DNAAF5: variants seen among roughly 807,000 people sequenced by gnomAD.
The protein encoded by DNAAF5 is dynein axonemal assembly factor 5.
DNAAF5 carries 64 observed loss-of-function variants against 75.8 expected under a neutral mutation model. The observed-to-expected ratio is 0.84, with a 90% CI of 0.69 to 1.04. DNAAF5 has a LOEUF of 1.04. Among genes scored for constraint, DNAAF5 ranks in the 50% least tolerant of loss-of-function variants. The pLI, the probability that DNAAF5 is intolerant of heterozygous loss-of-function variation, is 0.00. For missense variants in DNAAF5, 1,269 were observed against 1,178.5 expected, an observed-to-expected ratio of 1.08 and a Z score of -1.12; for synonymous variants, 657 against 557.2, an observed-to-expected ratio of 1.18 and a Z score of -2.52.
At position 785,744 on chromosome 7, in the gene DNAAF5, A is replaced by G; in HGVS notation, c.*91A>G. 1 of 1,461,798 alleles carries G rather than the reference A, an allele frequency of 6.8e-7. No individual in the cohort carries two copies. The highest frequency in any genetic ancestry group is 9.3e-7 in the Non-Finnish European group (1 of 1,080,508). The allele number at this position is 1,461,798 out of a possible 1,614,324, so 90.6% of individuals were successfully genotyped here. A position where few individuals can be genotyped will look rare whatever the true frequency, so the allele number is the denominator to read the frequency against. On this transcript the variant is annotated 3_prime_UTR_variant, in exon 13 of 13. Transcript: ENST00000297440. ...CTCATAAACAAGGCACCTCTGTGCC[A>G]GCAGTGAGACTGTGACAGCAAGAAT... is the stretch of plus-strand genomic sequence containing the variant.
chr7:756,791 T>C lies in DNAAF5; in HGVS notation c.1267T>C (p.Ser423Pro). ...TGTTTCTTTCTCGCAGTGTACCAGA[T>C]CCGCAGAGCTCGTCGGGACGTTTGT... is the stretch of plus-strand genomic sequence containing the variant. ...EAAVVQSCTRSAELVGTFVSP... is the reference protein window; with the variant it reads ...EAAVVQSCTRPAELVGTFVSP... Residue 423 changes from serine (S) to proline (P), a missense_variant, in exon 6 of 13, where the codon TCC (serine) becomes CCC (proline). By Grantham distance (74) the Ser-to-Pro change is moderately conservative. Transcript: ENST00000297440. 1 of 1,613,726 alleles carries C rather than the reference T, an allele frequency of 6.2e-7. No individual in the cohort carries two copies. The highest frequency in any genetic ancestry group is 8.5e-7 in the Non-Finnish European group (1 of 1,179,928).
At chr7:775,821 G>T (rs141354681) in intron 11 of DNAAF5, among the ~76,000 whole-genome samples, 1 of 151,942 alleles carries the variant, frequency 6.6e-6, no homozygotes. Flanking sequence ...TGAAGGAAGC[G>T]TCGTGTGGAT....
intron 6 of DNAAF5, among the ~76,000 whole-genome samples, chr7:757,482 CAG>C (rs79912277): frequency 0.066 from 10,039 of 152,316 alleles, 439 homozygotes; most frequent in Non-Finnish European, 0.092. Context: ...CGCACGTCCT[CAG>C]GGGGCACTGA....
In DNAAF5 at chr7:779,938, G is replaced by T. The variant is rs755778689; in HGVS notation, c.2240-15G>T. On this transcript the variant is annotated splice_polypyrimidine_tract_variant and intron_variant, in intron 11 of 12. Coordinates refer to ENST00000297440, the MANE Select transcript of DNAAF5 (RefSeq NM_017802.4). Reference sequence around the variant, plus strand: ...TGCTCTAGACTCACACACCTGTCTCGCTCCCTCCTTCCAGAACTCTTAAAA... The same window carrying T: ...TGCTCTAGACTCACACACCTGTCTCTCTCCCTCCTTCCAGAACTCTTAAAA... The T allele has an allele frequency of 6.2e-7, 1 of 1,611,102 alleles. No individual in the cohort carries two copies. Among genetic ancestry groups the T allele is most frequent in the Non-Finnish European group, 8.5e-7 (1 of 1,177,900 alleles).
chr7:772,877 G>A (rs1447150721), intron 9 of DNAAF5: 1 of 151,980 alleles, frequency 6.6e-6, no homozygotes, highest in African/African-American at 2.4e-5. Context: ...TCATTCAGTG[G>A]TTCGATGGTG....
intron 4 of DNAAF5, among the ~76,000 whole-genome samples, chr7:753,110 G>C (rs1782360499): frequency 6.6e-6 from 1 of 152,254 alleles, no homozygotes; most frequent in Non-Finnish European, 1.5e-5. Flanking sequence ...TTTGGAAAAT[G>C]GTTGGACAGT....
chr7:740,783 C>A (rs1279104352), intron 2 of DNAAF5, 36 bp from the exon 3 acceptor site: 1 of 1,610,798 alleles, frequency 6.2e-7, no homozygotes, highest in Admixed American at 1.7e-5. Context: ...ATCCCCTTTG[C>A]CTACACGAAT....
At position 726,941 on chromosome 7, in the gene DNAAF5, C is replaced by CGCG; in HGVS notation, c.222_224dup (p.Arg75dup). 2.2e-6 allele frequency: 3 copies of CGCG among 1,339,078 alleles called. No homozygotes were observed. The highest frequency in any genetic ancestry group is 1.9e-6 in the Non-Finnish European group (2 of 1,041,824). 82.9% of individuals were successfully genotyped at this position (1,339,078 alleles called of 1,614,324 possible). ...CCCACCGCTTTCCAGGGCCCCTGGGCGCGCCTACTGCTGCCGCGCTTGCTG... is the reference window on the plus strand; with the variant it reads ...CCCACCGCTTTCCAGGGCCCCTGGGCGCGGCGCCTACTGCTGCCGCGCTTGCTG... On this transcript the variant is annotated inframe_insertion, in exon 1 of 13. Coordinates refer to ENST00000297440, the MANE Select transcript of DNAAF5 (RefSeq NM_017802.4).
chr7:729,626 A>G (rs752836914), intron 1 of DNAAF5, 37 bp from the exon 2 acceptor site: 1 of 1,591,448 alleles, frequency 6.3e-7, no homozygotes, highest in South Asian at 1.1e-5. Flanking sequence ...GGCGTGTGGG[A>G]GCAGCTCTGG....
intron 4 of DNAAF5, among the ~76,000 whole-genome samples, chr7:746,821 G>A (rs889194732): frequency 6.6e-6 from 1 of 152,228 alleles, no homozygotes; most frequent in Non-Finnish European, 1.5e-5. Flanking sequence ...CCACCGCCCA[G>A]AACTGCTCAT....
At chr7:761,941 C>G (rs759091735) in intron 7 of DNAAF5, 45 bp downstream of exon 7, 1 of 1,539,278 alleles carries the variant, frequency 6.5e-7, no homozygotes, top group Non-Finnish European at 8.8e-7. Context: ...GCGGAGCTCA[C>G]AGCTGGAAGG....
At chr7:743,557 A>ACAGGGAAAGC (rs1781988517) in intron 4 of DNAAF5, among the ~76,000 whole-genome samples, 1 of 151,240 alleles carries the variant, frequency 6.6e-6, no homozygotes, top group Non-Finnish European at 1.5e-5. Context: ...CTGTACAGGG[A>ACAGGGAAAGC]AAGCACACAT....
chr7:733,203 T>G (rs983154601), intron 2 of DNAAF5, among the ~76,000 whole-genome samples: 6 of 152,234 alleles, frequency 3.9e-5, no homozygotes, highest in African/African-American at 1.2e-4. Flanking sequence ...TAAATTGAAG[T>G]CAGGTAATGT....
chr7:760,040 A>G (rs373228948), intron 6 of DNAAF5, among the ~76,000 whole-genome samples: 1 of 147,396 alleles, frequency 6.8e-6, no homozygotes, highest in African/African-American at 2.6e-5. Context: ...ACAGGGCCAC[A>G]CGGCTCCTCC....
intron 11 of DNAAF5, among the ~76,000 whole-genome samples, chr7:775,960 A>AG (rs1423293243): frequency 1.3e-5 from 2 of 152,186 alleles, no homozygotes; most frequent in Non-Finnish European, 2.9e-5. Flanking sequence ...GGTATCCTAG[A>AG]GGAGGAGGAT....
intron 9 of DNAAF5, 148 bp from the exon 10 acceptor site, chr7:773,900 C>A: frequency 3.5e-6 from 3 of 850,832 alleles, no homozygotes; most frequent in Admixed American, 4.0e-5. Context: ...TGAGAAGCAG[C>A]TCCTGAGAGG....
Position 780,116 on chromosome 7 carries a change from A to G in DNAAF5, c.2403A>G (p.Pro801=), listed in dbSNP as rs1160981478. 1.5e-5 allele frequency: 24 copies of G among 1,614,014 alleles called. No homozygotes were observed. The highest frequency in any genetic ancestry group is 2.0e-5 in the Non-Finnish European group (24 of 1,180,002). ...YRELLVHLDD[P]ERAIQDAILE... is the part of the protein sequence containing the mutation. ...AGTTGCTGGTTCACCTTGACGATCC[A>G]GAGAGGGCCATCCAGGATGCAATTT... Residue 801 remains proline, a synonymous_variant, in exon 12 of 13, where the codon CCA becomes CCG. Coordinates refer to ENST00000297440, the MANE Select transcript of DNAAF5 (RefSeq NM_017802.4).
At position 729,717 on chromosome 7, in the gene DNAAF5, C is replaced by A. The variant is rs1781502389; in HGVS notation, c.650C>A (p.Ser217Tyr). 4.1e-5 allele frequency: 66 copies of A among 1,614,028 alleles called. No homozygotes were observed. Among genetic ancestry groups the A allele is most frequent in the Non-Finnish European group, 5.6e-5 (66 of 1,180,026 alleles). ...ATCGGGCCCCTGATGCAGACCATCT[C>A]CCACCAGCACTGGAAGGTCCGTGTG... ...SLIGPLMQTI[S>Y]HQHWKVRVAA... Residue 217 changes from serine (S) to tyrosine (Y), a missense_variant, in exon 2 of 13, where the codon TCC (serine) becomes TAC (tyrosine). Physicochemically the swap from Ser to Tyr is moderately radical, Grantham distance 144. Coordinates refer to ENST00000297440, the MANE Select transcript of DNAAF5 (RefSeq NM_017802.4).
intron 8 of DNAAF5, 50 bp downstream of exon 8, chr7:764,024 C>T (rs1782747198): frequency 6.3e-7 from 1 of 1,581,926 alleles, no homozygotes; most frequent in Non-Finnish European, 8.6e-7. Flanking sequence ...ACTCAGGCTA[C>T]ACACCTGCTC....
Sources: gnomAD v4.1 joint callset for allele counts (sites outside exome capture counted in the v4.1 genomes callset) on GRCh38, gnomAD v4.1.1 for gene constraint, MANE v1.5 for transcripts, NCBI Gene and HGNC (gene_info 2026-07-23, HGNC 2026-07-21) for gene names.